The following PARP12 variants were observed in gnomAD, a reference collection of about 807,000 sequenced individuals.
PARP12 encodes the protein protein mono-ADP-ribosyltransferase PARP12.
In PARP12, 59 loss-of-function variants were observed where a neutral mutation model predicts 72.4. The ratio of observed to expected loss-of-function variants is 0.81; its 90% CI spans 0.66 to 1.01. The LOEUF is 1.01. Ranked by LOEUF, PARP12 falls within the 50% of genes least tolerant of loss-of-function variation. The pLI, the probability that PARP12 is intolerant of heterozygous loss-of-function variation, is 0.00. For missense variants in PARP12, 851 were observed against 914.0 expected (o/e 0.93, Z 0.89); for synonymous variants, 403 against 371.4 (o/e 1.09, Z -0.98).
intron 5 of PARP12, among the ~76,000 whole-genome samples, chr7:140,042,880 T>G (rs1816546697): frequency 6.6e-6 from 1 of 152,142 alleles, no homozygotes; most frequent in Non-Finnish European, 1.5e-5. Flanking sequence ...TCTGGAGAAA[T>G]TCACCTTCAA....
chr7:140,054,753 G>T lies in PARP12; in HGVS notation c.771C>A (p.Asp257Glu), dbSNP rs745490010. The change falls in exon 4 of 12, where the codon GAC becomes GAA. Residue 257 changes from aspartate (D) to glutamate (E), a missense_variant. Coordinates refer to ENST00000263549, the MANE Select transcript of PARP12 (RefSeq NM_022750.4). Reference sequence around the variant, plus strand: ...TGTTTGGGGACACAGAACCTGAACTGTCTTTTCTTTCTGCAAAGAAACACC... The same window carrying T: ...TGTTTGGGGACACAGAACCTGAACTTTCTTTTCTTTCTGCAAAGAAACACC... ...FVPQGTSERK[D>E]SSGSVSPNTL... The T allele has an allele frequency of 6.2e-7, 1 of 1,612,548 alleles. No individual in the cohort carries two copies. Among genetic ancestry groups the T allele is most frequent in the South Asian group, 1.1e-5 (1 of 91,052 alleles).
At chr7:140,038,275 C>A (rs1816305806) in intron 6 of PARP12, 14 of 985,438 alleles carry the variant, frequency 1.4e-5, no homozygotes, top group Non-Finnish European at 1.6e-5. Flanking sequence ...TTAATCAGAG[C>A]TCGGTCCTCT....
intron 8 of PARP12, among the ~76,000 whole-genome samples, chr7:140,029,773 G>A (rs28692807): frequency 0.031 from 4,647 of 152,298 alleles, 144 homozygotes; most frequent in African/African-American, 0.08. Flanking sequence ...AAGTGTAGTG[G>A]ACAGGCTTAA....
At chr7:140,033,173 G>A (rs1438764393) in intron 8 of PARP12, 3 of 984,532 alleles carry the variant, frequency 3.0e-6, no homozygotes, top group African/African-American at 3.5e-5. Flanking sequence ...GATTACAGGT[G>A]TGAGTCACTG....
At chr7:140,033,504 C>T (rs1185167318) in intron 8 of PARP12, 1 of 985,332 alleles carries the variant, frequency 1.0e-6, no homozygotes, top group East Asian at 1.1e-4. Flanking sequence ...GCACTGTGGT[C>T]CCTCTCCACC....
In PARP12 at chr7:140,061,770, C is replaced by G. The variant is rs141436589; in HGVS notation, c.326+752G>C. Among the ~76,000 whole-genome samples the G allele has an allele frequency of 1.3e-3, 197 of 152,272 alleles. 1 individual carries two copies. Among genetic ancestry groups the G allele is most frequent in the Middle Eastern group, 0.01 (3 of 294 alleles). On this transcript the variant is annotated intron_variant, in intron 1 of 11. Coordinates refer to ENST00000263549, the MANE Select transcript of PARP12 (RefSeq NM_022750.4). ...GCTGGGGAGACAGCTGGAGCCTCTG[C>G]CCTCAGGGAGTTTCTATTCTACTGG...
rs1420722505 is a variant in PARP12 at position 140,034,053 on chromosome 7, C to T, written c.1421+182G>A. On this transcript the variant is annotated intron_variant, in intron 8 of 11. Transcript: ENST00000263549. ...CTAATTATGCATCACGAAGCTTCTA[C>T]CCACAGGGTAATTCCCACTCTGGTC... 6.3e-6 allele frequency: 8 copies of T among 1,271,650 alleles called. No homozygotes were observed. In the East Asian group the frequency reaches 2.6e-4, roughly 41 times the overall value. 78.8% of individuals were successfully genotyped at this position (1,271,650 alleles called of 1,614,324 possible).
At chr7:140,033,860 A>G (rs1204987287) in intron 8 of PARP12, 6 of 989,284 alleles carry the variant, frequency 6.1e-6, no homozygotes, top group Non-Finnish European at 6.0e-6. Flanking sequence ...ATGAGTTTTT[A>G]TTGGTGTAAT....
At chr7:140,049,171 C>T in intron 4 of PARP12, among the ~76,000 whole-genome samples, 1 of 151,998 alleles carries the variant, frequency 6.6e-6, no homozygotes, top group East Asian at 1.9e-4. Context: ...AGGTATGGGG[C>T]CGAGCAGACA....
At chr7:140,034,133 C>T (rs1033721913) in intron 8 of PARP12, 102 bp downstream of exon 8, 7 of 1,467,386 alleles carry the variant, frequency 4.8e-6, no homozygotes, top group Middle Eastern at 2.1e-4. Flanking sequence ...TTGTACAAGC[C>T]AACGGTGCCC....
intron 10 of PARP12, among the ~76,000 whole-genome samples, chr7:140,026,653 C>T (rs566621654): frequency 1.3e-5 from 2 of 152,158 alleles, no homozygotes; most frequent in Non-Finnish European, 2.9e-5. Context: ...ACCCCACCCC[C>T]ACCTTGCTCC....
chr7:140,051,621 C>T (rs1348376897), intron 4 of PARP12, among the ~76,000 whole-genome samples: 3 of 152,122 alleles, frequency 2.0e-5, no homozygotes, highest in African/African-American at 7.2e-5. Context: ...AAACTCCTGA[C>T]CTCAAGTGAT....
chr7:140,040,642 G>A (rs1816425724), intron 6 of PARP12, among the ~76,000 whole-genome samples: 1 of 152,180 alleles, frequency 6.6e-6, no homozygotes, highest in African/African-American at 2.4e-5. Flanking sequence ...AGAGTTAAAG[G>A]GCATTCTGAG....
chr7:140,039,123 C>T (rs1169840014), intron 6 of PARP12, among the ~76,000 whole-genome samples: 1 of 152,218 alleles, frequency 6.6e-6, no homozygotes, highest in East Asian at 1.9e-4. Flanking sequence ...AGTTTACGGT[C>T]TCATAGCGGC....
intron 3 of PARP12, among the ~76,000 whole-genome samples, chr7:140,055,915 G>A (rs372868986): frequency 6.6e-6 from 1 of 152,320 alleles, no homozygotes; most frequent in African/African-American, 2.4e-5. Context: ...GACATTCTAG[G>A]AAGTGCTCTA....
In PARP12 at chr7:140,062,632, C is replaced by T; in HGVS notation, c.216G>A (p.Leu72=). 1 of 1,484,120 alleles carries T rather than the reference C, an allele frequency of 6.7e-7. No homozygotes were observed. Among genetic ancestry groups the T allele is most frequent in the Non-Finnish European group, 8.9e-7 (1 of 1,120,376 alleles). The allele number at this position is 1,484,120 out of a possible 1,614,324, so 91.9% of individuals were successfully genotyped here. A position where few individuals can be genotyped will look rare whatever the true frequency, so the allele number is the denominator to read the frequency against. ...PERVVLAASP[L]RLCRAHQGSK... is the part of the protein sequence containing the mutation. ...AGCCCTGGTGCGCGCGACACAGGCG[C>T]AGCGGCGAGGCGGCCAGCACCACGC... Residue 72 remains leucine, a synonymous_variant, in exon 1 of 12, where the codon CTG becomes CTA. Coordinates refer to ENST00000263549, the MANE Select transcript of PARP12 (RefSeq NM_022750.4).
rs1217243832 is a variant in PARP12, at chr7:140,062,560, C to G, written c.288G>C (p.Arg96Ser). 1 of 1,555,536 alleles carries G rather than the reference C, an allele frequency of 6.4e-7. No individual in the cohort carries two copies. Among genetic ancestry groups the G allele is most frequent in the Non-Finnish European group, 8.7e-7 (1 of 1,155,192 alleles). Reference protein sequence around the residue: ...VGLCAQLHLCRFMVYGACKFL... With the variant: ...VGLCAQLHLCSFMVYGACKFL... ...ACTTGCAGGCGCCGTAGACCATGAACCTGCAGAGGTGGAGCTGCGCGCAGA... is the reference window on the plus strand; with the variant it reads ...ACTTGCAGGCGCCGTAGACCATGAAGCTGCAGAGGTGGAGCTGCGCGCAGA... The change falls in exon 1 of 12, where the codon AGG becomes AGC. Residue 96 changes from arginine (R) to serine (S), a missense_variant. By Grantham distance (110) the Arg-to-Ser change is moderately radical. Transcript: ENST00000263549.
intron 3 of PARP12, among the ~76,000 whole-genome samples, chr7:140,056,236 A>G (rs4263671): frequency 0.017 from 2,585 of 152,346 alleles, 34 homozygotes; most frequent in Non-Finnish European, 0.027. Flanking sequence ...TAAACCTGAC[A>G]GTCTTTTTTA....
chr7:140,038,731 T>TCAA (rs1173313248), intron 6 of PARP12, among the ~76,000 whole-genome samples: 1 of 152,224 alleles, frequency 6.6e-6, no homozygotes, highest in East Asian at 1.9e-4. Context: ...TCTGTCCCTG[T>TCAA]CAATTTTCCT....
Sources: allele counts gnomAD v4.1 joint callset (sites outside exome capture counted in the v4.1 genomes callset), GRCh38; gene constraint gnomAD v4.1.1; transcripts MANE v1.5; gene names NCBI Gene and HGNC (gene_info 2026-07-23, HGNC 2026-07-21).